Variants in RNF212B observed in about 807,000 individuals in gnomAD.
RNF212B encodes E3 ubiquitin-protein ligase RNF212B.
In RNF212B, 52 loss-of-function variants were observed where a neutral mutation model predicts 55.5. The ratio of observed to expected loss-of-function variants is 0.94; its 90% CI spans 0.75 to 1.18. The LOEUF is 1.18. RNF212B is among the 50% of genes most tolerant of loss of function. The pLI is 0.00. For synonymous variants in RNF212B, 99 were observed against 121.4 expected (o/e 0.82, Z 1.21); for missense variants, 289 against 350.4 (o/e 0.82, Z 1.40).
chr14:23,229,834 G>C (rs1003679291), intron 2 of RNF212B: 1 of 152,554 alleles, frequency 6.6e-6, no homozygotes, highest in Non-Finnish European at 1.5e-5. Context: ...TAAAGAAACA[G>C]AAAAACTATA....
At chr14:23,243,685 ACT>A (rs1883768906) in intron 3 of RNF212B, among the ~76,000 whole-genome samples, 1 of 127,784 alleles carries the variant, frequency 7.8e-6, no homozygotes, top group Non-Finnish European at 1.6e-5. Flanking sequence ...TCAGAGTAAG[ACT>A]CTGTCTCAAA....
intron 1 of RNF212B, among the ~76,000 whole-genome samples, chr14:23,189,647 T>TA (rs112744416): frequency 2.0e-3 from 284 of 145,452 alleles, no homozygotes; most frequent in South Asian, 4.3e-3. Flanking sequence ...TACTAAAAAT[T>TA]AAAAAAAAAA....
chr14:23,265,773 G>T (rs1483855089), intron 11 of RNF212B, among the ~76,000 whole-genome samples: 2 of 151,906 alleles, frequency 1.3e-5, no homozygotes, highest in African/African-American at 4.8e-5. Flanking sequence ...ATTTACTTCT[G>T]GTTTAGTCTA....
intron 11 of RNF212B, among the ~76,000 whole-genome samples, chr14:23,266,437 G>A (rs373087865): frequency 0.016 from 1,300 of 80,300 alleles, 12 homozygotes; most frequent in South Asian, 0.073. Context: ...TTGAGATGGT[G>A]TTTCTTTCTT....
chr14:23,232,796 C>T (rs1436025071), intron 2 of RNF212B, among the ~76,000 whole-genome samples: 1 of 132,932 alleles, frequency 7.5e-6, no homozygotes, highest in Admixed American at 7.3e-5. Flanking sequence ...GGGGGGGGGT[C>T]AGCCTCTGCC....
chr14:23,194,866 TAG>T (rs576860619), intron 2 of RNF212B, among the ~76,000 whole-genome samples: 114 of 150,896 alleles, frequency 7.6e-4, no homozygotes, highest in Middle Eastern at 3.4e-3. Flanking sequence ...CATTAAAAAA[TAG>T]AGACTATACA....
In RNF212B at chr14:23,270,673, C is replaced by T. The variant is rs1278802961; in HGVS notation, c.834+12C>T. 9 of 1,533,786 alleles carry T rather than the reference C, an allele frequency of 5.9e-6. No individual in the cohort carries two copies. Among genetic ancestry groups the T allele is most frequent in the Admixed American group, 2.0e-5 (1 of 50,970 alleles). On this transcript the variant is annotated intron_variant, in intron 14 of 14. Coordinates refer to ENST00000430154, the MANE Select transcript of RNF212B (RefSeq NM_001282322.3). ...TACCAGTCCTGCAGGTGAGACCTGGCTAGTCTAACTTGTCTGTGCATAAAA... is the reference window on the plus strand; with the variant it reads ...TACCAGTCCTGCAGGTGAGACCTGGTTAGTCTAACTTGTCTGTGCATAAAA...
At chr14:23,195,758 A>G (rs903485812) in intron 2 of RNF212B, among the ~76,000 whole-genome samples, 1 of 152,160 alleles carries the variant, frequency 6.6e-6, no homozygotes, top group Admixed American at 6.6e-5. Flanking sequence ...TTGAGCAATC[A>G]CTATGTGCCA....
At chr14:23,190,226 C>T (rs1877996975) in intron 1 of RNF212B, among the ~76,000 whole-genome samples, 2 of 152,122 alleles carry the variant, frequency 1.3e-5, no homozygotes, top group African/African-American at 4.8e-5. Context: ...CTTTCAGTAG[C>T]AACTCTATAC....
At chr14:23,232,800 C>A (rs999979494) in intron 2 of RNF212B, among the ~76,000 whole-genome samples, 2 of 146,474 alleles carry the variant, frequency 1.4e-5, no homozygotes, top group African/African-American at 2.5e-5. Context: ...GGGGGTCAGC[C>A]TCTGCCCGGC....
At chr14:23,194,946 A>G (rs1878507968) in intron 2 of RNF212B, among the ~76,000 whole-genome samples, 1 of 152,186 alleles carries the variant, frequency 6.6e-6, no homozygotes, top group Non-Finnish European at 1.5e-5. Context: ...GAGCTCTAGA[A>G]ATTTCAAAGA....
chr14:23,210,184 G>C (rs941222878), intron 2 of RNF212B, among the ~76,000 whole-genome samples: 1 of 152,052 alleles, frequency 6.6e-6, no homozygotes, highest in Non-Finnish European at 1.5e-5. Flanking sequence ...ATACCCCTAT[G>C]ACTAAGTTGA....
At chr14:23,248,874 G>A (rs1397872376) in intron 4 of RNF212B, among the ~76,000 whole-genome samples, 3 of 152,084 alleles carry the variant, frequency 2.0e-5, no homozygotes, top group Non-Finnish European at 4.4e-5. Flanking sequence ...ATTTTTGTGG[G>A]ACACAAATAT....
chr14:23,193,091 TAAAAAA>T (rs3045528), intron 1 of RNF212B, among the ~76,000 whole-genome samples: 1 of 113,124 alleles, frequency 8.8e-6, no homozygotes, highest in South Asian at 3.0e-4. Flanking sequence ...AAACTCTGTC[TAAAAAA>T]AAAAAAAAAA....
At chr14:23,208,840 G>C (rs1469754111) in intron 2 of RNF212B, among the ~76,000 whole-genome samples, 9 of 140,342 alleles carry the variant, frequency 6.4e-5, no homozygotes, top group African/African-American at 2.5e-4. Context: ...GTCACTGCAA[G>C]CTCTGCCTCC....
chr14:23,253,040 G>A (rs1023828247), intron 4 of RNF212B, among the ~76,000 whole-genome samples: 5 of 152,044 alleles, frequency 3.3e-5, no homozygotes, highest in African/African-American at 7.3e-5. Context: ...AATTATCAGT[G>A]AATGGCCAGT....
At chr14:23,214,256 G>T (rs537692224) in intron 2 of RNF212B, among the ~76,000 whole-genome samples, 1 of 152,328 alleles carries the variant, frequency 6.6e-6, no homozygotes, top group Admixed American at 6.5e-5. Context: ...CATTTTGGGA[G>T]GCCAAGGCAG....
At chr14:23,234,297 C>CGT (rs368094093), upstream of RNF212B, among the ~76,000 whole-genome samples, 1,511 of 148,834 alleles carry the variant, frequency 0.01, 41 homozygotes, top group East Asian at 0.095. Context: ...CTTTACTTTT[C>CGT]GTGTGTGTGT....
chr14:23,225,312 C>A (rs965668550), intron 2 of RNF212B, among the ~76,000 whole-genome samples: 1 of 152,126 alleles, frequency 6.6e-6, no homozygotes, highest in African/African-American at 2.4e-5. Context: ...TGGGTATATA[C>A]CCAAAAGAAA....
Sources: gnomAD v4.1 joint callset for allele counts (sites outside exome capture counted in the v4.1 genomes callset) on GRCh38, gnomAD v4.1.1 for gene constraint, MANE v1.5 for transcripts, NCBI Gene and HGNC (gene_info 2026-07-23, HGNC 2026-07-21) for gene names.